Variants in CCSER2 observed in about 807,000 individuals in gnomAD.
CCSER2 encodes coiled-coil serine rich protein 2.
Under a neutral mutation model 92.3 loss-of-function variants are expected in CCSER2, and 46 were observed. That is an observed-to-expected ratio of 0.50 (90% CI 0.39 to 0.64). CCSER2 has a LOEUF of 0.64. CCSER2 is among the 30% of genes least tolerant of loss of function. The pLI is 0.00. For missense variants in CCSER2, 1,244 were observed against 1,238.9 expected (o/e 1.00, Z -0.06); for synonymous variants, 433 against 431.4 (o/e 1.00, Z -0.04).
chr10:84,484,992 G>T (rs762675639), intron 9 of CCSER2, among the ~76,000 whole-genome samples: 2 of 152,122 alleles, frequency 1.3e-5, no homozygotes, highest in African/African-American at 4.8e-5. Flanking sequence ...ACCTAAATCT[G>T]TATTTTTCAA....
rs757162731 is a variant in CCSER2 at position 84,513,664 on chromosome 10, A to G, written c.2541A>G (p.Leu847=). 32 of 1,567,088 alleles carry G rather than the reference A, an allele frequency of 2.0e-5. No homozygotes were observed. Among genetic ancestry groups the G allele is most frequent in the Non-Finnish European group, 1.2e-5 (14 of 1,159,238 alleles). Residue 847 remains leucine (L), a synonymous_variant, in exon 10 of 10, where the codon TTA becomes TTG. Coordinates refer to ENST00000372088, the MANE Select transcript of CCSER2 (RefSeq NM_001284240.2). ...AGCCTTTTTCATCAGGCCCACAATTAACAATGGATGTGGCTAAGAGTACAC... is the reference window on the plus strand; with the variant it reads ...AGCCTTTTTCATCAGGCCCACAATTGACAATGGATGTGGCTAAGAGTACAC... ...EEQPFSSGPQ[L]TMDVAKSTPS...
intron 6 of CCSER2, among the ~76,000 whole-genome samples, chr10:84,460,011 C>G (rs1846003123): frequency 6.6e-6 from 1 of 151,366 alleles, no homozygotes; most frequent in Non-Finnish European, 1.5e-5. Flanking sequence ...ATTGAACCAG[C>G]TTTGCATTGG....
chr10:84,377,661 C>T (rs989321371), intron 3 of CCSER2, among the ~76,000 whole-genome samples: 4 of 152,184 alleles, frequency 2.6e-5, no homozygotes, highest in Non-Finnish European at 5.9e-5. Flanking sequence ...TTGTCCGTTT[C>T]CAGGAAGGAC....
chr10:84,372,037 C>T lies in CCSER2; in HGVS notation c.985C>T (p.Pro329Ser). Residue 329 changes from proline (P) to serine (S), a missense_variant, in exon 2 of 10, where the codon CCA becomes TCA. Transcript: ENST00000372088. ...CTCTCTACTGAAATCTAGCCGATCTCCATTTTCTGGGACTATGACAGTTGA... is the reference window on the plus strand; with the variant it reads ...CTCTCTACTGAAATCTAGCCGATCTTCATTTTCTGGGACTATGACAGTTGA... ...HPSLLKSSRS[P>S]FSGTMTVDGN... 1 of 1,613,848 alleles carries T rather than the reference C, an allele frequency of 6.2e-7. No homozygotes were observed. The highest frequency in any genetic ancestry group is 8.5e-7 in the Non-Finnish European group (1 of 1,179,846).
rs186140471 is a variant in CCSER2, at chr10:84,484,688, T to C, written c.2325+7024T>C. Among the ~76,000 whole-genome samples the C allele has an allele frequency of 3.3e-5, 5 of 152,352 alleles. No individual in the cohort carries two copies. In the East Asian group the frequency reaches 7.7e-4, roughly 23 times the overall value. ...ATTTTTAAATTATTCAATGTTTTACTCAATATTAGACATTGGCCATGGAAT... is the reference window on the plus strand; with the variant it reads ...ATTTTTAAATTATTCAATGTTTTACCCAATATTAGACATTGGCCATGGAAT... On this transcript the variant is annotated intron_variant, in intron 9 of 9. Coordinates refer to ENST00000372088, the MANE Select transcript of CCSER2 (RefSeq NM_001284240.2).
At chr10:84,452,612 C>T (rs960800504) in intron 6 of CCSER2, among the ~76,000 whole-genome samples, 1 of 152,164 alleles carries the variant, frequency 6.6e-6, no homozygotes. Context: ...CTGTGAATTA[C>T]TTATTTTTTG....
intron 3 of CCSER2, among the ~76,000 whole-genome samples, chr10:84,399,517 T>C (rs141790173): frequency 0.021 from 3,152 of 152,290 alleles, 49 homozygotes; most frequent in Non-Finnish European, 0.035. Flanking sequence ...GGATGAGTGT[T>C]AGTCTGGATT....
Position 84,483,593 on chromosome 10 carries a change from C to G in CCSER2, c.2325+5929C>G, listed in dbSNP as rs116581066. ...TCTAGCAACCGTGGAAATTTATCAG[C>G]AAAGAACTCCACTCTATTTTTTCTT... On this transcript the variant is annotated intron_variant, in intron 9 of 9. Transcript: ENST00000372088. 4.0e-3 allele frequency among the ~76,000 whole-genome samples: 610 copies of G among 151,968 alleles called. 8 individuals carry two copies. Among genetic ancestry groups the G allele is most frequent in the African/African-American group, 0.011 (458 of 41,478 alleles).
At chr10:84,385,004 A>ACACACACACAC (rs1554838159) in intron 3 of CCSER2, among the ~76,000 whole-genome samples, 3 of 145,886 alleles carry the variant, frequency 2.1e-5, no homozygotes, top group African/African-American at 7.6e-5. Context: ...ATTTACAATA[A>ACACACACACAC]ACACACACAC....
At chr10:84,463,893 C>T in intron 6 of CCSER2, 40 bp from the exon 7 acceptor site, 1 of 1,324,976 alleles carries the variant, frequency 7.5e-7, no homozygotes, top group South Asian at 1.2e-5. Context: ...TCCACAATTA[C>T]TATATTAATC....
At chr10:84,431,411 A>T (rs1843755306) in intron 5 of CCSER2, among the ~76,000 whole-genome samples, 1 of 151,892 alleles carries the variant, frequency 6.6e-6, no homozygotes, top group African/African-American at 2.4e-5. Context: ...AAATACATGT[A>T]AGGTTCCTCT....
intron 3 of CCSER2, among the ~76,000 whole-genome samples, chr10:84,381,388 C>G (rs1840897206): frequency 6.6e-6 from 1 of 152,184 alleles, no homozygotes; most frequent in Non-Finnish European, 1.5e-5. Flanking sequence ...AAGATTGCCT[C>G]TTCTTAGATA....
intron 1 of CCSER2, among the ~76,000 whole-genome samples, chr10:84,354,720 G>T (rs1273759928): frequency 6.6e-6 from 1 of 151,714 alleles, no homozygotes; most frequent in Non-Finnish European, 1.5e-5. Flanking sequence ...TTCAGATTTT[G>T]CCCTTGCATT....
intron 8 of CCSER2, among the ~76,000 whole-genome samples, chr10:84,476,943 C>T (rs932852829): frequency 3.3e-5 from 5 of 152,126 alleles, no homozygotes; most frequent in African/African-American, 1.2e-4. Context: ...GTCAATACAT[C>T]ATGAAAGAGG....
rs1849603161 is a variant in CCSER2 at position 84,516,542 on chromosome 10, A to T, written c.*2275A>T. The T allele has an allele frequency of 6.6e-6, 1 of 152,200 alleles. No individual in the cohort carries two copies. The highest frequency in any genetic ancestry group is 1.5e-5 in the Non-Finnish European group (1 of 68,014). 9.4% of individuals were successfully genotyped at this position (152,200 alleles called of 1,614,324 possible). The stretch of plus-strand genomic sequence containing the variant: ...CCAGTGACTTAGTGGTTTTTGGTTT[A>T]TTTAGAAGTTGGTTTAGACCCTTAT... On this transcript the variant is annotated 3_prime_UTR_variant, in exon 10 of 10. Transcript: ENST00000372088.
In CCSER2 at chr10:84,481,957, G is replaced by T. The variant is rs536045905; in HGVS notation, c.2325+4293G>T. ...TTGAGCACTTGAAAATGAAGGAAGA[G>T]AATTTTAAATTTTGTTTAGTTGTAA... On this transcript the variant is annotated intron_variant, in intron 9 of 9. Coordinates refer to ENST00000372088, the MANE Select transcript of CCSER2 (RefSeq NM_001284240.2). Among the ~76,000 whole-genome samples, 5 of 152,098 alleles carry T rather than the reference G, an allele frequency of 3.3e-5. No individual in the cohort carries two copies. In the South Asian group the frequency reaches 6.2e-4, roughly 19 times the overall value.
intron 9 of CCSER2, among the ~76,000 whole-genome samples, chr10:84,492,915 T>C (rs1331821958): frequency 6.6e-6 from 1 of 152,218 alleles, no homozygotes; most frequent in Non-Finnish European, 1.5e-5. Flanking sequence ...TTTTATTCTT[T>C]ATTTTTCTTT....
intron 6 of CCSER2, among the ~76,000 whole-genome samples, chr10:84,441,770 T>G (rs1375947891): frequency 1.9e-5 from 2 of 102,962 alleles, no homozygotes; most frequent in African/African-American, 4.4e-5. Flanking sequence ...TTTTTTTTTT[T>G]TTTTTTGAGA....
At position 84,517,735 on chromosome 10, in the gene CCSER2, C is replaced by CT. The variant is rs1324143283; in HGVS notation, c.*3474dup. ...TTCCATTGTTCCGATAAGTATTTTACTTTTTTCTCAGTACATCAGAGAGAG... is the reference window on the plus strand; with the variant it reads ...TTCCATTGTTCCGATAAGTATTTTACTTTTTTTCTCAGTACATCAGAGAGAG... On this transcript the variant is annotated 3_prime_UTR_variant, in exon 10 of 10. Coordinates refer to ENST00000372088, the MANE Select transcript of CCSER2 (RefSeq NM_001284240.2). The CT allele has an allele frequency of 3.1e-4, 48 of 152,698 alleles. No individual in the cohort carries two copies. The highest frequency in any genetic ancestry group is 1.2e-3 in the African/African-American group (48 of 41,550). The allele number at this position is 152,698 out of a possible 1,614,324, so 9.5% of individuals were successfully genotyped here. A position where few individuals can be genotyped will look rare whatever the true frequency, so the allele number is the denominator to read the frequency against.
Sources: allele counts gnomAD v4.1 joint callset (sites outside exome capture counted in the v4.1 genomes callset), GRCh38; gene constraint gnomAD v4.1.1; transcripts MANE v1.5; gene names NCBI Gene and HGNC (gene_info 2026-07-23, HGNC 2026-07-21).